Variants in SYT7 observed in about 807,000 individuals in gnomAD.
SYT7 encodes synaptotagmin-7.
In SYT7, 29 loss-of-function variants were observed where a neutral mutation model predicts 75.1. The ratio of observed to expected loss-of-function variants is 0.39; its 90% CI spans 0.29 to 0.53. The LOEUF (loss-of-function observed/expected upper bound fraction) is 0.53. Among genes scored for constraint, SYT7 ranks in the 20% least tolerant of loss-of-function variants. SYT7 has a pLI of 0.77. For missense variants in SYT7, 693 were observed against 953.2 expected (o/e 0.73, Z 3.59); for synonymous variants, 376 against 401.7 (o/e 0.94, Z 0.76).
rs1045744566 is a variant in SYT7, at chr11:61,540,868, G to T, written c.941+1343C>A. The T allele has an allele frequency of 6.1e-6, 6 of 985,358 alleles. 1 individual carries two copies. The African/African-American group carries it at 1.0e-4, about 17-fold the overall frequency. 61.0% of individuals were successfully genotyped at this position (985,358 alleles called of 1,614,324 possible). On this transcript the variant is annotated intron_variant, in intron 6 of 12. Coordinates refer to ENST00000539008, the MANE Select transcript of SYT7 (RefSeq NM_001365809.2). The stretch of plus-strand genomic sequence containing the variant: ...CACAGCCTCTGTCCCAAAACAAACC[G>T]CCACCTGGAAGACCGGAGGCTCTTC...
chr11:61,533,594 G>C (rs754727850), intron 7 of SYT7: 108 of 985,214 alleles, frequency 1.1e-4, no homozygotes, highest in Non-Finnish European at 1.3e-4. Flanking sequence ...CTGTTTCCCA[G>C]ATGCCCCACC....
At chr11:61,569,232 G>A (rs955816532) in intron 1 of SYT7, among the ~76,000 whole-genome samples, 1 of 152,238 alleles carries the variant, frequency 6.6e-6, no homozygotes, top group African/African-American at 2.4e-5. Context: ...CCAGTCCCTC[G>A]GCCCTGGACT....
At chr11:61,535,215 A>G (rs962445434) in intron 7 of SYT7, among the ~76,000 whole-genome samples, 2 of 152,194 alleles carry the variant, frequency 1.3e-5, no homozygotes, top group Non-Finnish European at 2.9e-5. Context: ...AGAGGCCAAG[A>G]AAGTTAGTCA....
At chr11:61,574,413 G>A (rs2064008562) in intron 1 of SYT7, among the ~76,000 whole-genome samples, 2 of 152,164 alleles carry the variant, frequency 1.3e-5, no homozygotes, top group African/African-American at 2.4e-5. Context: ...GCTGTCCCTG[G>A]AGGCACATAT....
chr11:61,518,568 G>T lies in SYT7; in HGVS notation c.*59C>A. 7.9e-7 allele frequency: 1 copy of T among 1,273,308 alleles called. No homozygotes were observed. Among genetic ancestry groups the T allele is most frequent in the Non-Finnish European group, 1.1e-6 (1 of 924,770 alleles). The allele number at this position is 1,273,308 out of a possible 1,614,324, so 78.9% of individuals were successfully genotyped here. The stretch of plus-strand genomic sequence containing the variant: ...GCTCAGGCCGGGCGTTGTGCATAAA[G>T]TGGTGAGGGCATGATGGGGACCTGG... On this transcript the variant is annotated 3_prime_UTR_variant, in exon 13 of 13. Coordinates refer to ENST00000539008, the MANE Select transcript of SYT7 (RefSeq NM_001365809.2).
At chr11:61,529,817 TAGAG>T (rs950119053) in intron 8 of SYT7, among the ~76,000 whole-genome samples, 21 of 152,166 alleles carry the variant, frequency 1.4e-4, no homozygotes, top group African/African-American at 5.1e-4. Flanking sequence ...GTACTTTTAG[TAGAG>T]GCAGGGTTTT....
intron 3 of SYT7, among the ~76,000 whole-genome samples, chr11:61,550,496 G>T (rs2063318096): frequency 6.6e-6 from 1 of 152,196 alleles, no homozygotes; most frequent in Non-Finnish European, 1.5e-5. Context: ...GGTAGGGAGG[G>T]ATGGGGCGCT....
chr11:61,517,971 C>T lies in SYT7; in HGVS notation c.*656G>A, dbSNP rs2062190211. Reference sequence around the variant, plus strand: ...GCCCTATGGGCCTCTCCTCTCACACCCCCGGCCTCCAACCCTGCCTGGCCT... The same window carrying T: ...GCCCTATGGGCCTCTCCTCTCACACTCCCGGCCTCCAACCCTGCCTGGCCT... On this transcript the variant is annotated 3_prime_UTR_variant, in exon 13 of 13. Transcript: ENST00000539008. 1.1e-5 allele frequency: 2 copies of T among 182,096 alleles called. No homozygotes were observed. Among genetic ancestry groups the T allele is most frequent in the South Asian group, 2.0e-4 (1 of 5,044 alleles). The allele number at this position is 182,096 out of a possible 1,614,324, so 11.3% of individuals were successfully genotyped here. A position where few individuals can be genotyped will look rare whatever the true frequency, so the allele number is the denominator to read the frequency against.
rs1311667061 is a variant in SYT7 at position 61,576,333 on chromosome 11, C to G, written c.31+4457G>C. ...GTTCCCTGGCAAGGCAGGCAGGCAC[C>G]CGGGCTGGGCCTGGCACAGGCTGGT... On this transcript the variant is annotated intron_variant, in intron 1 of 12. Coordinates refer to ENST00000539008, the MANE Select transcript of SYT7 (RefSeq NM_001365809.2). The surrounding 1 kb of genome is among the most constrained non-coding windows in gnomAD (Gnocchi z 4.1). 6.6e-6 allele frequency among the ~76,000 whole-genome samples: 1 copy of G among 152,222 alleles called. No individual in the cohort carries two copies. The highest frequency in any genetic ancestry group is 1.5e-5 in the Non-Finnish European group (1 of 68,034).
At chr11:61,585,023 T>C (rs560562289), upstream of SYT7, among the ~76,000 whole-genome samples, 9 of 152,344 alleles carry the variant, frequency 5.9e-5, no homozygotes, top group Non-Finnish European at 1.0e-4. Flanking sequence ...CCTTCAGGCC[T>C]GTTTCCGATC....
Position 61,540,760 on chromosome 11 carries a change from C to T in SYT7, c.941+1451G>A, listed in dbSNP as rs569966930. ...AGTCTGAGGTGGGGAGGAGCAAGGA[C>T]GTGCAGGGGCCCAGCAGGCTCTCAG... On this transcript the variant is annotated intron_variant, in intron 6 of 12. Transcript: ENST00000539008. 2,219 of 985,498 alleles carry T rather than the reference C, an allele frequency of 2.3e-3. 2 individuals carry two copies. The highest frequency in any genetic ancestry group is 2.5e-3 in the Non-Finnish European group (2,072 of 830,000). The allele number at this position is 985,498 out of a possible 1,614,324, so 61.0% of individuals were successfully genotyped here. A position where few individuals can be genotyped will look rare whatever the true frequency, so the allele number is the denominator to read the frequency against.
chr11:61,558,489 CACACACACACACACAT>C (rs2063556199), intron 1 of SYT7, among the ~76,000 whole-genome samples: 2 of 141,190 alleles, frequency 1.4e-5, no homozygotes, highest in East Asian at 2.0e-4. Context: ...TATATATACA[CACACACACACACACAT>C]ACACACACAC....
At chr11:61,526,906 C>T (rs544368243) in intron 9 of SYT7, among the ~76,000 whole-genome samples, 1 of 152,160 alleles carries the variant, frequency 6.6e-6, no homozygotes, top group South Asian at 2.1e-4. Context: ...GGGAAAGGTC[C>T]CTGGGGTACA....
At chr11:61,528,467 C>G (rs2062600399) in intron 8 of SYT7, among the ~76,000 whole-genome samples, 1 of 152,158 alleles carries the variant, frequency 6.6e-6, no homozygotes, top group Non-Finnish European at 1.5e-5. Context: ...GGTCTGCTGC[C>G]TGCCCCAAGC....
chr11:61,570,485 C>A (rs2063893545), intron 1 of SYT7, among the ~76,000 whole-genome samples: 1 of 152,166 alleles, frequency 6.6e-6, no homozygotes, highest in African/African-American at 2.4e-5. Context: ...TTGATCCCAA[C>A]AACCCTAAAA....
intron 6 of SYT7, chr11:61,540,753 G>A: frequency 1.0e-6 from 1 of 985,530 alleles, no homozygotes. Context: ...GTGGGGAGGA[G>A]CAAGGACGTG....
intron 1 of SYT7, among the ~76,000 whole-genome samples, chr11:61,557,997 ATC>A (rs2063540765): frequency 6.6e-6 from 1 of 152,196 alleles, no homozygotes; most frequent in East Asian, 1.9e-4. Flanking sequence ...TGGACATGAG[ATC>A]TGTTTCCCAG....
intron 1 of SYT7, among the ~76,000 whole-genome samples, chr11:61,575,881 C>T (rs1048967717): frequency 6.6e-6 from 1 of 152,338 alleles, no homozygotes; most frequent in African/African-American, 2.4e-5. Flanking sequence ...GCCTCTCCCC[C>T]TGCCTCCGCC....
chr11:61,558,171 T>A (rs972142918), intron 1 of SYT7, among the ~76,000 whole-genome samples: 3 of 152,192 alleles, frequency 2.0e-5, no homozygotes, highest in Non-Finnish European at 2.9e-5. Context: ...TAAGAATATA[T>A]TATGAGTGGG....
Sources: allele counts gnomAD v4.1 joint callset (sites outside exome capture counted in the v4.1 genomes callset), GRCh38; gene constraint gnomAD v4.1.1; non-coding constraint Gnocchi (gnomAD v3.1); transcripts MANE v1.5; gene names NCBI Gene and HGNC (gene_info 2026-07-23, HGNC 2026-07-21).